The following SLC71A2 variants were observed in gnomAD, a reference collection of about 807,000 sequenced individuals.
SLC71A2 encodes the protein hippocampus abundant transcript-like 1.
At chr9:94,461,022 A>C in the SLC71A2 span, 1 of 152,100 alleles carries the variant, frequency 6.6e-6, no homozygotes, top group Admixed American at 6.6e-5. Flanking sequence ...CTGATGCAAA[A>C]GGTATGTATT....
chr9:94,435,098 G>C, the SLC71A2 span, among the ~76,000 whole-genome samples: 4 of 152,074 alleles, frequency 2.6e-5, no homozygotes, highest in Non-Finnish European at 5.9e-5. Context: ...AAATTCTGTG[G>C]TCAATCATTA....
the SLC71A2 span, among the ~76,000 whole-genome samples, chr9:94,398,221 TTTG>T: frequency 7.0e-6 from 1 of 143,826 alleles, no homozygotes; most frequent in African/African-American, 2.7e-5. Context: ...TAACCCTATC[TTTG>T]TTTTTTTTTA....
At chr9:94,388,808 G>A in the SLC71A2 span, among the ~76,000 whole-genome samples, 1 of 152,104 alleles carries the variant, frequency 6.6e-6, no homozygotes, top group African/African-American at 2.4e-5. Context: ...TACTAAACAT[G>A]TATAAGTTAC....
At chr9:94,406,245 T>G in the SLC71A2 span, among the ~76,000 whole-genome samples, 3 of 151,738 alleles carry the variant, frequency 2.0e-5, no homozygotes, top group African/African-American at 7.3e-5. Flanking sequence ...GTTTTTTGAT[T>G]ATTATTATTT....
chr9:94,375,097 T>G, the SLC71A2 span, among the ~76,000 whole-genome samples: 1 of 152,078 alleles, frequency 6.6e-6, no homozygotes, highest in Non-Finnish European at 1.5e-5. Context: ...TCCTAGTGAC[T>G]GCTCATCGCA....
At chr9:94,409,751 T>G in the SLC71A2 span, among the ~76,000 whole-genome samples, 1 of 151,878 alleles carries the variant, frequency 6.6e-6, no homozygotes, top group Non-Finnish European at 1.5e-5. Context: ...TATTTTAATA[T>G]TCATGAATTT....
the SLC71A2 span, among the ~76,000 whole-genome samples, chr9:94,403,632 G>C: frequency 6.6e-6 from 1 of 151,658 alleles, no homozygotes; most frequent in Non-Finnish European, 1.5e-5. Flanking sequence ...TGTGAATTTG[G>C]GTATATAAAA....
At chr9:94,410,593 T>C in the SLC71A2 span, among the ~76,000 whole-genome samples, 2 of 151,638 alleles carry the variant, frequency 1.3e-5, no homozygotes, top group Non-Finnish European at 2.9e-5. Context: ...GTCCTATAAA[T>C]CAATATGAAA....
At chr9:94,447,600 C>T in the SLC71A2 span, among the ~76,000 whole-genome samples, 1 of 151,770 alleles carries the variant, frequency 6.6e-6, no homozygotes, top group African/African-American at 2.4e-5. Context: ...ACATGCATAG[C>T]CTCCTCCACT....
At chr9:94,459,279 ACAG>A in the SLC71A2 span, 1 of 1,614,216 alleles carries the variant, frequency 6.2e-7, no homozygotes, top group East Asian at 2.2e-5. Flanking sequence ...AAACACAGTA[ACAG>A]CAGCAGCGGC....
the SLC71A2 span, among the ~76,000 whole-genome samples, chr9:94,422,469 G>A: frequency 6.6e-6 from 1 of 152,296 alleles, no homozygotes; most frequent in Non-Finnish European, 1.5e-5. Flanking sequence ...TATTGCTGTT[G>A]TAATATTTCT....
chr9:94,403,926 T>G, the SLC71A2 span, among the ~76,000 whole-genome samples: 1 of 152,194 alleles, frequency 6.6e-6, no homozygotes, highest in Non-Finnish European at 1.5e-5. Flanking sequence ...TGCAGGAGTA[T>G]TGCGAGGTGG....
chr9:94,413,558 G>A, the SLC71A2 span, among the ~76,000 whole-genome samples: 1 of 151,404 alleles, frequency 6.6e-6, no homozygotes, highest in South Asian at 2.1e-4. Flanking sequence ...AAAAGAATGT[G>A]GGCCGGGTAT....
At chr9:94,424,768 C>T in the SLC71A2 span, among the ~76,000 whole-genome samples, 1 of 116,572 alleles carries the variant, frequency 8.6e-6, no homozygotes, top group Non-Finnish European at 1.7e-5. Flanking sequence ...GATTGAGAGT[C>T]TCACTCTGTT....
the SLC71A2 span, among the ~76,000 whole-genome samples, chr9:94,417,868 C>G: frequency 8.1e-5 from 4 of 49,504 alleles, no homozygotes; most frequent in South Asian, 3.9e-3. Flanking sequence ...ACCCCCCCCC[C>G]CCCCCCCCGA....
At chr9:94,388,045 C>T in the SLC71A2 span, among the ~76,000 whole-genome samples, 4 of 152,120 alleles carry the variant, frequency 2.6e-5, no homozygotes, top group Admixed American at 6.5e-5. Context: ...ATGAAAGTAT[C>T]TTTTGCACGT....
chr9:94,391,278 A>C, the SLC71A2 span, among the ~76,000 whole-genome samples: 1 of 150,728 alleles, frequency 6.6e-6, no homozygotes, highest in South Asian at 2.1e-4. Context: ...CAGAAGGATC[A>C]CTTGAGCCTG....
At chr9:94,424,727 C>CTTTTTTTTTTTTTTT in the SLC71A2 span, among the ~76,000 whole-genome samples, 8 of 91,828 alleles carry the variant, frequency 8.7e-5, no homozygotes, top group Admixed American at 1.3e-4. Context: ...TTGTTTTCTG[C>CTTTTTTTTTTTTTTT]TTTTTTTTTT....
the SLC71A2 span, among the ~76,000 whole-genome samples, chr9:94,402,587 A>G: frequency 2.6e-5 from 4 of 152,106 alleles, no homozygotes; most frequent in South Asian, 4.1e-4. Flanking sequence ...GGCGCTTTCT[A>G]TGTTCTTAAG....
Sources: allele counts gnomAD v4.1 joint callset (sites outside exome capture counted in the v4.1 genomes callset), GRCh38; gene constraint gnomAD v4.1.1; transcripts MANE v1.5; gene names NCBI Gene and HGNC (gene_info 2026-07-23, HGNC 2026-07-21).